Variants in SOS1 observed in about 807,000 individuals in gnomAD.
SOS1 encodes SOS Ras/Rac guanine nucleotide exchange factor 1.
A neutral mutation model predicts 157.6 loss-of-function variants in SOS1; 25 were observed. That is an observed-to-expected ratio of 0.16 (90% CI 0.12 to 0.22). The LOEUF is 0.22. Ranked by LOEUF, SOS1 falls within the 10% of genes least tolerant of loss-of-function variation. The pLI is 1.00. For missense variants in SOS1, 1,237 were observed against 1,599.1 expected (o/e 0.77, Z 3.86); for synonymous variants, 528 against 534.0 (o/e 0.99, Z 0.16).
chr2:39,108,927 A>C (rs1424830776), intron 1 of SOS1, among the ~76,000 whole-genome samples: 1 of 151,798 alleles, frequency 6.6e-6, no homozygotes, highest in Non-Finnish European at 1.5e-5. Flanking sequence ...GGCTGGGTGC[A>C]GTGGCTCACA....
At chr2:39,053,928 T>TC (rs1671113165) in intron 5 of SOS1, among the ~76,000 whole-genome samples, 1 of 145,178 alleles carries the variant, frequency 6.9e-6, no homozygotes, top group East Asian at 2.0e-4. Context: ...AAAGGAACTC[T>TC]TTTTTTTTTT....
chr2:39,102,028 A>C (rs952945512), intron 1 of SOS1, among the ~76,000 whole-genome samples: 6 of 150,082 alleles, frequency 4.0e-5, no homozygotes, highest in Non-Finnish European at 8.9e-5. Context: ...CAACATGGAG[A>C]AACCCCATCT....
intron 2 of SOS1, among the ~76,000 whole-genome samples, chr2:39,061,083 A>G (rs1671384506): frequency 1.3e-5 from 2 of 152,214 alleles, no homozygotes; most frequent in South Asian, 4.1e-4. Context: ...GGAAGGAAAG[A>G]AGAGGAAAGA....
rs1469499065 is a variant in SOS1 at position 38,995,149 on chromosome 2, G to C, written c.3320C>G (p.Ser1107Cys). 1.9e-6 allele frequency: 3 copies of C among 1,613,860 alleles called. No homozygotes were observed. The Admixed American group carries it at 5.0e-5, about 27-fold the overall frequency. The change falls in exon 20 of 23, where the codon TCC becomes TGC. Residue 1107 changes from serine (S) to cysteine (C), a missense_variant. Ser to Cys is a moderately radical substitution (Grantham distance 112). Coordinates refer to ENST00000402219, the MANE Select transcript of SOS1 (RefSeq NM_005633.4). The stretch of plus-strand genomic sequence containing the variant: ...TGAGTGAAAAGGGCTCGAATGATCG[G>C]AATCAAATACACTGCAAACATCTGT... The part of the protein sequence containing the change: ...STTDVCSVFD[S>C]DHSSPFHSSN...
intron 1 of SOS1, among the ~76,000 whole-genome samples, chr2:39,085,459 T>C (rs563212802): frequency 2.6e-5 from 4 of 152,366 alleles, no homozygotes; most frequent in Non-Finnish European, 4.4e-5. Context: ...CAGTCTTCCT[T>C]AAAATGCCAA....
chr2:39,067,434 A>AC (rs979537238), intron 2 of SOS1, among the ~76,000 whole-genome samples, 194 bp downstream of exon 2: 1 of 152,196 alleles, frequency 6.6e-6, no homozygotes, highest in African/African-American at 2.4e-5. Flanking sequence ...CCAAAAAAAA[A>AC]ACCTCAAAAT....
rs558139724 is a variant in SOS1, at chr2:39,112,742, A to G, written c.87+7594T>C. ...AAATTTGCCTTTCATTTCATCATGAAAATGGAGGTGATTTGGCCAGGTGCA... is the reference window on the plus strand; with the variant it reads ...AAATTTGCCTTTCATTTCATCATGAGAATGGAGGTGATTTGGCCAGGTGCA... On this transcript the variant is annotated intron_variant, in intron 1 of 22. Transcript: ENST00000402219. Among the ~76,000 whole-genome samples, 10 of 152,326 alleles carry G rather than the reference A, an allele frequency of 6.6e-5. No homozygotes were observed. The South Asian group carries it at 2.1e-3, about 32-fold the overall frequency.
chr2:39,094,387 C>A (rs1465613546), intron 1 of SOS1, among the ~76,000 whole-genome samples: 1 of 152,224 alleles, frequency 6.6e-6, no homozygotes, highest in East Asian at 1.9e-4. Context: ...GTAGCTCACG[C>A]CTGTAATCCC....
At chr2:39,046,097 T>G (rs1358162565) in intron 6 of SOS1, among the ~76,000 whole-genome samples, 1 of 152,238 alleles carries the variant, frequency 6.6e-6, no homozygotes, top group Non-Finnish European at 1.5e-5. Flanking sequence ...GTTACTAATG[T>G]AGTTGGATTT....
chr2:39,117,430 C>A (rs1025916755), intron 1 of SOS1, among the ~76,000 whole-genome samples: 1 of 152,032 alleles, frequency 6.6e-6, no homozygotes, highest in African/African-American at 2.4e-5. Context: ...CTCATAGATG[C>A]GGTGAAACAG....
At position 39,022,616 on chromosome 2, in the gene SOS1, T is replaced by C. The variant is rs2124536280; in HGVS notation, c.1812A>G (p.Gly604=). Residue 604 remains glycine, a synonymous_variant, in exon 10 of 23, where the codon GGA becomes GGG. Coordinates refer to ENST00000402219, the MANE Select transcript of SOS1 (RefSeq NM_005633.4). ...PKAGIPIIKA[G]TVIKLIERLT... The stretch of plus-strand genomic sequence containing the variant: ...GCCTCTCTATAAGTTTAATAACAGT[T>C]CCTGCTTTGATAATTGGAATTCCAG... 1 of 1,613,402 alleles carries C rather than the reference T, an allele frequency of 6.2e-7. No individual in the cohort carries two copies.
intron 1 of SOS1, among the ~76,000 whole-genome samples, chr2:39,109,294 T>C (rs1290010053): frequency 6.6e-6 from 1 of 152,234 alleles, no homozygotes; most frequent in Non-Finnish European, 1.5e-5. Flanking sequence ...TAGCTTCTCA[T>C]TGCCACCTAA....
intron 2 of SOS1, among the ~76,000 whole-genome samples, chr2:39,066,728 G>A (rs1671600087): frequency 6.6e-6 from 1 of 152,106 alleles, no homozygotes; most frequent in African/African-American, 2.4e-5. Context: ...CTCCTTCCTA[G>A]GTGTTTAGAT....
At chr2:39,083,229 T>G (rs1038943234) in intron 1 of SOS1, among the ~76,000 whole-genome samples, 1 of 151,966 alleles carries the variant, frequency 6.6e-6, no homozygotes, top group Non-Finnish European at 1.5e-5. Flanking sequence ...ATAGAAATAG[T>G]ACAAGTAGAT....
rs201624023 is a variant in SOS1, at chr2:39,022,755, A to G, written c.1673T>C (p.Met558Thr). ...STLERMLDVT[M>T]LQEEKEEQMR... ...CTGCTCCTCTTTCTCTTCCTGTAGC[A>G]TTGTTACATCAAGCATCCTTTCCAG... Residue 558 changes from methionine (M) to threonine (T), a missense_variant, in exon 10 of 23, where the codon ATG becomes ACG. Met to Thr is a moderately conservative substitution (Grantham distance 81). Around this residue, in one of 15 missense-constraint regions of SOS1, gnomAD observed 210 missense variants for 220.2 expected, o/e 0.95. Coordinates refer to ENST00000402219, the MANE Select transcript of SOS1 (RefSeq NM_005633.4). 2.5e-6 allele frequency: 4 copies of G among 1,613,794 alleles called. No individual in the cohort carries two copies. The highest frequency in any genetic ancestry group is 2.2e-5 in the South Asian group (2 of 91,074).
At chr2:39,092,038 A>G (rs933721444) in intron 1 of SOS1, among the ~76,000 whole-genome samples, 2 of 152,146 alleles carry the variant, frequency 1.3e-5, no homozygotes, top group African/African-American at 4.8e-5. Flanking sequence ...AATTGACCAT[A>G]AATTTTTAAC....
rs377053727 is a variant in SOS1 at position 38,993,264 on chromosome 2, A to G, written c.3346+1859T>C. The stretch of plus-strand genomic sequence containing the variant: ...AGCCTCACACTCCTGAGCTCAAGCA[A>G]TCCTCCCACTTCAGCCTCCCAAGTA... On this transcript the variant is annotated intron_variant, in intron 20 of 22. Transcript: ENST00000402219. 10 of 152,424 alleles carry G rather than the reference A, an allele frequency of 6.6e-5. No homozygotes were observed. The East Asian group carries it at 1.4e-3, about 21-fold the overall frequency. 9.4% of individuals were successfully genotyped at this position (152,424 alleles called of 1,614,324 possible).
At chr2:39,098,826 T>C (rs1353952253) in intron 1 of SOS1, among the ~76,000 whole-genome samples, 1 of 151,994 alleles carries the variant, frequency 6.6e-6, no homozygotes, top group Admixed American at 6.6e-5. Context: ...AAGGTGGAGG[T>C]TGCAGTGAGC....
intron 13 of SOS1, 98 bp from the exon 14 acceptor site, chr2:39,012,446 T>C (rs745399949): frequency 9.0e-6 from 4 of 446,502 alleles, no homozygotes; most frequent in East Asian, 8.7e-5. Flanking sequence ...CACCTGAATG[T>C]ATCTTTGCTA....
Sources: gnomAD v4.1 joint callset for allele counts (sites outside exome capture counted in the v4.1 genomes callset) on GRCh38, gnomAD v4.1.1 for gene constraint, gnomAD v4.1.1 regional missense constraint, MANE v1.5 for transcripts, NCBI Gene and HGNC (gene_info 2026-07-23, HGNC 2026-07-21) for gene names.